The following GRIA4 variants were observed in gnomAD, a reference collection of about 807,000 sequenced individuals.
GRIA4 encodes the protein glutamate ionotropic receptor AMPA type subunit 4, also known as glutamate receptor 4.
In GRIA4, 34 loss-of-function variants were observed where a neutral mutation model predicts 104.0. The observed-to-expected ratio is 0.33, with a 90% CI of 0.25 to 0.44. The LOEUF (loss-of-function observed/expected upper bound fraction) is 0.44, where lower values mean the gene tolerates loss of function less well. Ranked by LOEUF, GRIA4 falls within the 20% of genes least tolerant of loss-of-function variation. The pLI, the probability that GRIA4 is intolerant of heterozygous loss-of-function variation, is 1.00. For synonymous variants in GRIA4, 386 were observed against 381.9 expected, an observed-to-expected ratio of 1.01 and a Z score of -0.13; for missense variants, 750 against 1,096.5, an observed-to-expected ratio of 0.68 and a Z score of 4.46.
intron 4 of GRIA4, among the ~76,000 whole-genome samples, chr11:105,821,337 C>T (rs778394828): frequency 3.9e-5 from 6 of 151,980 alleles, no homozygotes; most frequent in Non-Finnish European, 7.4e-5. Flanking sequence ...GGTATTAGGT[C>T]GTTCTTGCAT....
At chr11:105,779,063 G>T (rs1212980485) in intron 4 of GRIA4, among the ~76,000 whole-genome samples, 1 of 149,110 alleles carries the variant, frequency 6.7e-6, no homozygotes, top group Non-Finnish European at 1.5e-5. Flanking sequence ...GCGATAGTTT[G>T]CTGAGAATGA....
chr11:105,944,639 C>G (rs1039151566), intron 14 of GRIA4, among the ~76,000 whole-genome samples: 1 of 151,984 alleles, frequency 6.6e-6, no homozygotes. Context: ...CCCATATATA[C>G]TGGAATTTGA....
chr11:105,904,022 C>T (rs1946956683), intron 8 of GRIA4, 41 bp downstream of exon 8: 5 of 1,331,364 alleles, frequency 3.8e-6, no homozygotes, highest in Admixed American at 2.1e-5. Flanking sequence ...ATTTCATGGT[C>T]TTGTTTTAAC....
intron 9 of GRIA4, among the ~76,000 whole-genome samples, chr11:105,908,923 C>A (rs1293044976): frequency 6.6e-6 from 1 of 152,014 alleles, no homozygotes; most frequent in East Asian, 1.9e-4. Flanking sequence ...ATGTGGAAAG[C>A]AGAGTTAACA....
intron 3 of GRIA4, among the ~76,000 whole-genome samples, chr11:105,659,224 G>T (rs1951935167): frequency 6.6e-6 from 1 of 151,806 alleles, no homozygotes; most frequent in Non-Finnish European, 1.5e-5. Context: ...GTTCTTATTG[G>T]CAGAGCATGG....
chr11:105,768,497 A>G (rs1490925793), intron 4 of GRIA4, among the ~76,000 whole-genome samples: 1 of 152,154 alleles, frequency 6.6e-6, no homozygotes, highest in Non-Finnish European at 1.5e-5. Flanking sequence ...AAGTCAAAGC[A>G]TTGCTTCAGT....
At chr11:105,936,772 A>T (rs1948051881) in intron 14 of GRIA4, among the ~76,000 whole-genome samples, 2 of 152,214 alleles carry the variant, frequency 1.3e-5, no homozygotes. Context: ...CATCTCAAAC[A>T]GTAGATCTGT....
intron 3 of GRIA4, among the ~76,000 whole-genome samples, chr11:105,667,078 T>G (rs1213349638): frequency 6.6e-6 from 1 of 152,040 alleles, no homozygotes; most frequent in Non-Finnish European, 1.5e-5. Flanking sequence ...CTACACATAT[T>G]CAGAGCCAGT....
intron 3 of GRIA4, among the ~76,000 whole-genome samples, chr11:105,732,068 G>A (rs959723667): frequency 6.6e-6 from 1 of 152,038 alleles, no homozygotes; most frequent in African/African-American, 2.4e-5. Context: ...CACAGAAGAG[G>A]ACTCTAAGCT....
chr11:105,837,282 A>T (rs923585174), intron 4 of GRIA4, among the ~76,000 whole-genome samples: 3 of 152,110 alleles, frequency 2.0e-5, no homozygotes, highest in African/African-American at 7.2e-5. Context: ...ACACAGCCAA[A>T]CCATATCACA....
At chr11:105,955,724 A>T (rs1019030474) in intron 14 of GRIA4, among the ~76,000 whole-genome samples, 2 of 152,182 alleles carry the variant, frequency 1.3e-5, no homozygotes, top group Non-Finnish European at 1.5e-5. Flanking sequence ...AGACTAATTT[A>T]AATTCCCACC....
intron 3 of GRIA4, among the ~76,000 whole-genome samples, chr11:105,715,651 C>T (rs1443527589): frequency 6.6e-6 from 1 of 152,130 alleles, no homozygotes; most frequent in Non-Finnish European, 1.5e-5. Flanking sequence ...TAATTCTGTA[C>T]TAGTTAGAAT....
chr11:105,727,777 A>G (rs1938313227), intron 3 of GRIA4, among the ~76,000 whole-genome samples: 1 of 152,218 alleles, frequency 6.6e-6, no homozygotes, highest in African/African-American at 2.4e-5. Flanking sequence ...AGCCAAACTA[A>G]GCTTCTTAAG....
chr11:105,694,919 C>G (rs1953215604), intron 3 of GRIA4, among the ~76,000 whole-genome samples: 1 of 152,110 alleles, frequency 6.6e-6, no homozygotes, highest in Non-Finnish European at 1.5e-5. Context: ...TAGCAATAGT[C>G]ATAACAGCTA....
chr11:105,917,075 T>A (rs2136180892), intron 10 of GRIA4, among the ~76,000 whole-genome samples: 1 of 152,324 alleles, frequency 6.6e-6, no homozygotes, highest in African/African-American at 2.4e-5. Flanking sequence ...ATTCACCAAT[T>A]TTATAACCAC....
At chr11:105,823,318 C>T (rs527976987) in intron 4 of GRIA4, among the ~76,000 whole-genome samples, 18 of 152,002 alleles carry the variant, frequency 1.2e-4, no homozygotes, top group Middle Eastern at 3.4e-3. Flanking sequence ...TTTTTTTCTT[C>T]TCTTGTCATA....
At chr11:105,870,370 T>C (rs1945568054) in intron 5 of GRIA4, among the ~76,000 whole-genome samples, 1 of 151,992 alleles carries the variant, frequency 6.6e-6, no homozygotes, top group Non-Finnish European at 1.5e-5. Flanking sequence ...TTCTTATACC[T>C]GTACCACAAC....
intron 3 of GRIA4, among the ~76,000 whole-genome samples, chr11:105,701,006 A>G (rs1346745757): frequency 6.6e-6 from 1 of 152,160 alleles, no homozygotes; most frequent in Non-Finnish European, 1.5e-5. Context: ...TTGAATGTCA[A>G]TCATTCTGAG....
At chr11:105,889,546 G>A (rs1946389854) in intron 6 of GRIA4, among the ~76,000 whole-genome samples, 1 of 151,968 alleles carries the variant, frequency 6.6e-6, no homozygotes, top group Non-Finnish European at 1.5e-5. Flanking sequence ...ATGTGCATAA[G>A]ATTCTCAAAT....
Sources: gnomAD v4.1 joint callset for allele counts (sites outside exome capture counted in the v4.1 genomes callset) on GRCh38, gnomAD v4.1.1 for gene constraint, MANE v1.5 for transcripts, NCBI Gene and HGNC (gene_info 2026-07-23, HGNC 2026-07-21) for gene names.